GARIN5B: variants seen among roughly 807,000 people sequenced by gnomAD.
GARIN5B encodes the protein golgi associated RAB2 interactor family member 5B.
At chr19:55,355,416 A>C in the GARIN5B span, 1 of 1,489,260 alleles carries the variant, frequency 6.7e-7, no homozygotes, top group African/African-American at 1.4e-5. Context: ...CCAGGGCTTT[A>C]AGAGCTGCAG....
the GARIN5B span, chr19:55,358,636 C>G: frequency 6.4e-7 from 1 of 1,551,338 alleles, no homozygotes; most frequent in South Asian, 1.2e-5. Context: ...GTAAGGACAG[C>G]TGGCCGGGGC....
At chr19:55,360,716 T>TGGG in the GARIN5B span, 1 of 1,551,626 alleles carries the variant, frequency 6.4e-7, no homozygotes, top group Non-Finnish European at 8.7e-7. Flanking sequence ...TGTGTCTGGT[T>TGGG]GGCGGTGCTG....
chr19:55,360,893 G>C, the GARIN5B span: 2 of 1,544,024 alleles, frequency 1.3e-6, no homozygotes, highest in Admixed American at 2.0e-5. Flanking sequence ...CGGGGCGGGG[G>C]TCTGAGTGGG....
At chr19:55,355,434 G>A in the GARIN5B span, 3 of 1,339,624 alleles carry the variant, frequency 2.2e-6, no homozygotes, top group Non-Finnish European at 3.1e-6. Flanking sequence ...CAGATGCCTG[G>A]CTTAGGAGAG....
chr19:55,359,781 C>A, the GARIN5B span: 3 of 1,551,326 alleles, frequency 1.9e-6, no homozygotes, highest in Non-Finnish European at 2.6e-6. Flanking sequence ...GGATAGGGAG[C>A]CAGACCGGAG....
At chr19:55,362,594 C>T in the GARIN5B span, 48 of 1,543,822 alleles carry the variant, frequency 3.1e-5, no homozygotes, top group Non-Finnish European at 4.1e-5. Context: ...AGCACGAGGC[C>T]GGAGCAGTCC....
At chr19:55,362,723 G>A in the GARIN5B span, 2 of 1,533,660 alleles carry the variant, frequency 1.3e-6, no homozygotes, top group Non-Finnish European at 8.8e-7. Flanking sequence ...GGGCCCCCTT[G>A]ATGGGTCACC....
the GARIN5B span, among the ~76,000 whole-genome samples, chr19:55,355,793 C>T: frequency 6.6e-6 from 1 of 152,132 alleles, no homozygotes; most frequent in Non-Finnish European, 1.5e-5. Context: ...TGAGACTAGC[C>T]TGGACAACAT....
the GARIN5B span, chr19:55,361,204 C>G: frequency 6.4e-7 from 1 of 1,551,212 alleles, no homozygotes; most frequent in Non-Finnish European, 8.7e-7. Flanking sequence ...GAGCAGCCAC[C>G]GTCTTATGCG....
At chr19:55,358,415 G>C in the GARIN5B span, 5 of 1,507,246 alleles carry the variant, frequency 3.3e-6, 1 homozygote. Flanking sequence ...GGCGGTCAGG[G>C]GGATAGGCGC....
the GARIN5B span, among the ~76,000 whole-genome samples, chr19:55,360,474 C>G: frequency 9.0e-6 from 1 of 111,482 alleles, no homozygotes; most frequent in Non-Finnish European, 1.9e-5. Context: ...TCCCTCAGAT[C>G]TAGGAGTCCA....
chr19:55,357,997 T>C, the GARIN5B span: 1 of 871,284 alleles, frequency 1.1e-6, no homozygotes, highest in South Asian at 4.5e-5. Context: ...GAGGTTGCAG[T>C]GAGCCAAGAT....
the GARIN5B span, chr19:55,361,133 C>T: frequency 3.2e-6 from 5 of 1,551,130 alleles, no homozygotes; most frequent in Non-Finnish European, 4.4e-6. Context: ...GACGGTTAGA[C>T]AGGGGCAGCC....
At chr19:55,358,687 C>G in the GARIN5B span, 1 of 1,551,168 alleles carries the variant, frequency 6.4e-7, no homozygotes, top group Non-Finnish European at 8.7e-7. Flanking sequence ...CCGACGCCTG[C>G]GGAGTCGCCA....
the GARIN5B span, chr19:55,362,903 TG>T: frequency 6.7e-7 from 1 of 1,492,304 alleles, no homozygotes; most frequent in Non-Finnish European, 8.9e-7. Context: ...CCCGGGGCAC[TG>T]GGAACTGGAG....
chr19:55,362,141 GGCCCCCGGCCT>G, the GARIN5B span: 1 of 1,405,974 alleles, frequency 7.1e-7, no homozygotes, highest in Non-Finnish European at 9.3e-7. Context: ...CAGGGGTCCA[GGCCCCCGGCCT>G]AGACTTTGGG....
chr19:55,361,074 G>A, the GARIN5B span: 23 of 1,551,030 alleles, frequency 1.5e-5, no homozygotes, highest in Middle Eastern at 1.7e-4. Flanking sequence ...AGTCGCCCAC[G>A]GCCTGAGACT....
the GARIN5B span, chr19:55,362,612 C>CG: frequency 9.0e-6 from 14 of 1,546,990 alleles, no homozygotes; most frequent in Admixed American, 2.0e-5. Context: ...TCCCTGTCCT[C>CG]GGCGGGCTGG....
chr19:55,354,928 T>G, the GARIN5B span: 1 of 230,814 alleles, frequency 4.3e-6, no homozygotes, highest in Non-Finnish European at 8.6e-6. Context: ...GCTCAAGCTT[T>G]AATCTCTGCG....
Sources: gnomAD v4.1 joint callset for allele counts (sites outside exome capture counted in the v4.1 genomes callset) on GRCh38, gnomAD v4.1.1 for gene constraint, MANE v1.5 for transcripts, NCBI Gene and HGNC (gene_info 2026-07-23, HGNC 2026-07-21) for gene names.